The following CNGA1 variants were observed in gnomAD, a reference collection of about 807,000 sequenced individuals.
The protein encoded by CNGA1 is cyclic nucleotide-gated channel alpha-1.
CNGA1 carries 53 observed loss-of-function variants against 69.7 expected under a neutral mutation model. The ratio of observed to expected loss-of-function variants is 0.76; its 90% CI spans 0.61 to 0.96. The LOEUF is 0.96. CNGA1 is among the 40% of genes least tolerant of loss of function. The pLI is 0.00. For synonymous variants in CNGA1, 249 were observed against 283.5 expected (o/e 0.88, Z 1.22); for missense variants, 739 against 811.2 (o/e 0.91, Z 1.08).
chr4:47,957,100 A>AT (rs1346323461), intron 3 of CNGA1, among the ~76,000 whole-genome samples: 1 of 151,492 alleles, frequency 6.6e-6, no homozygotes, highest in Non-Finnish European at 1.5e-5. Context: ...TGCCTGGCTA[A>AT]TTTTTTTGTA....
chr4:48,015,459 T>C (rs1201116094), intron 1 of CNGA1, among the ~76,000 whole-genome samples: 1 of 152,114 alleles, frequency 6.6e-6, no homozygotes, highest in Non-Finnish European at 1.5e-5. Flanking sequence ...GGTAATAAAA[T>C]TAATAGCACT....
Position 47,940,778 on chromosome 4 carries a change from C to A in CNGA1, c.637G>T (p.Val213Leu), listed in dbSNP as rs765505542. Residue 213 changes from valine to leucine, a missense_variant, in exon 10 of 11, where the codon GTA becomes TTA. Physicochemically the swap from Val to Leu is conservative, Grantham distance 32. Transcript: ENST00000514170. ...ACATATTTACCTGTCCTTGTTCGTA[C>A]AAACATATCGATTAAATAGACTATG... ...SDIVYLIDMF[V>L]RTRTGYLEQG... 3.1e-6 allele frequency: 5 copies of A among 1,600,940 alleles called. No homozygotes were observed. The African/African-American group carries it at 6.7e-5, about 21-fold the overall frequency.
chr4:47,953,560 T>C (rs1379815793), intron 3 of CNGA1, among the ~76,000 whole-genome samples: 2 of 152,230 alleles, frequency 1.3e-5, no homozygotes. Flanking sequence ...GATGCATATA[T>C]ACCCAAGCAA....
At chr4:47,988,767 T>C (rs1230242854) in intron 2 of CNGA1, among the ~76,000 whole-genome samples, 1 of 152,166 alleles carries the variant, frequency 6.6e-6, no homozygotes, top group Admixed American at 6.6e-5. Flanking sequence ...TATTCATTCA[T>C]TCAGTGTACA....
chr4:47,968,527 A>G (rs914141785), intron 3 of CNGA1, among the ~76,000 whole-genome samples: 2 of 152,174 alleles, frequency 1.3e-5, no homozygotes, highest in African/African-American at 4.8e-5. Context: ...CATTAGCTAC[A>G]AAAGTGTTAG....
chr4:47,997,553 A>C (rs555376131), intron 2 of CNGA1, among the ~76,000 whole-genome samples: 1 of 152,286 alleles, frequency 6.6e-6, no homozygotes, highest in African/African-American at 2.4e-5. Context: ...CATATTAGTA[A>C]TAAAATAGAG....
chr4:47,946,624 A>C (rs1365573702), intron 6 of CNGA1, among the ~76,000 whole-genome samples: 1 of 152,234 alleles, frequency 6.6e-6, no homozygotes, highest in African/African-American at 2.4e-5. Flanking sequence ...ACATAAAAAG[A>C]ATGCCCATTA....
chr4:47,998,697 G>A (rs1714512793), intron 2 of CNGA1, among the ~76,000 whole-genome samples: 1 of 152,168 alleles, frequency 6.6e-6, no homozygotes, highest in Admixed American at 6.5e-5. Flanking sequence ...AGAATCGCTT[G>A]AACCTCAGAG....
chr4:47,936,006 C>A lies in CNGA1; in HGVS notation c.*415G>T. The A allele has an allele frequency of 5.2e-6, 1 of 191,244 alleles. No homozygotes were observed. The highest frequency in any genetic ancestry group is 1.1e-5 in the Non-Finnish European group (1 of 91,982). 11.8% of individuals were successfully genotyped at this position (191,244 alleles called of 1,614,324 possible). On this transcript the variant is annotated 3_prime_UTR_variant, in exon 11 of 11. Transcript: ENST00000514170. ...ATAATTAATTTTACTTTATTGCAGT[C>A]TAATTTTTAAAAATGTTATCCCAAA...
intron 3 of CNGA1, among the ~76,000 whole-genome samples, chr4:47,960,135 T>C (rs1445905921): frequency 6.6e-6 from 1 of 152,112 alleles, no homozygotes; most frequent in Non-Finnish European, 1.5e-5. Flanking sequence ...TAAAAGAAGA[T>C]ATAAAAATAA....
intron 8 of CNGA1, among the ~76,000 whole-genome samples, chr4:47,942,584 A>G (rs907415982): frequency 2.0e-5 from 3 of 151,934 alleles, no homozygotes; most frequent in African/African-American, 7.3e-5. Flanking sequence ...GGGGTCCCCA[A>G]CCCCCGGGCT....
chr4:47,986,934 A>G (rs1401484367), intron 2 of CNGA1, among the ~76,000 whole-genome samples: 2 of 152,096 alleles, frequency 1.3e-5, no homozygotes, highest in African/African-American at 4.8e-5. Context: ...TACATACTAC[A>G]ATATTTTTCT....
intron 2 of CNGA1, among the ~76,000 whole-genome samples, chr4:48,005,126 T>TTATG (rs61560872): frequency 0.17 from 25,777 of 151,504 alleles, 2,369 homozygotes; most frequent in Middle Eastern, 0.23. Flanking sequence ...ATTTATTTAT[T>TTATG]TATTTATTTG....
intron 3 of CNGA1, among the ~76,000 whole-genome samples, chr4:47,962,707 G>A (rs6827587): frequency 0.15 from 23,327 of 151,940 alleles, 2,255 homozygotes; most frequent in East Asian, 0.27. Flanking sequence ...TTAACTTCTC[G>A]TTACACTGAT....
intron 9 of CNGA1, among the ~76,000 whole-genome samples, chr4:47,941,522 T>C (rs942586761): frequency 2.0e-5 from 3 of 152,172 alleles, no homozygotes; most frequent in Admixed American, 6.5e-5. Context: ...TTTTTTCTCA[T>C]AGGTCAAAGA....
intron 9 of CNGA1, among the ~76,000 whole-genome samples, chr4:47,941,812 C>T (rs1200980709): frequency 6.6e-6 from 1 of 152,050 alleles, no homozygotes; most frequent in African/African-American, 2.4e-5. Context: ...AAGTCTTCCC[C>T]GACCCCTCCA....
At chr4:47,985,746 G>C (rs774418422) in intron 2 of CNGA1, among the ~76,000 whole-genome samples, 1 of 149,524 alleles carries the variant, frequency 6.7e-6, no homozygotes, top group African/African-American at 2.5e-5. Flanking sequence ...CACTTCCTTC[G>C]TCTATCTTCC....
chr4:48,002,295 C>T (rs1296605741), intron 2 of CNGA1, among the ~76,000 whole-genome samples: 1 of 152,140 alleles, frequency 6.6e-6, no homozygotes, highest in African/African-American at 2.4e-5. Flanking sequence ...CCTAACTAGA[C>T]TGATTGAGAA....
At chr4:47,998,578 C>G (rs1421549335) in intron 2 of CNGA1, among the ~76,000 whole-genome samples, 1 of 151,980 alleles carries the variant, frequency 6.6e-6, no homozygotes, top group African/African-American at 2.4e-5. Flanking sequence ...AGTTCGAGAC[C>G]AGCCTGACCA....
Sources: gnomAD v4.1 joint callset for allele counts (sites outside exome capture counted in the v4.1 genomes callset) on GRCh38, gnomAD v4.1.1 for gene constraint, MANE v1.5 for transcripts, NCBI Gene and HGNC (gene_info 2026-07-23, HGNC 2026-07-21) for gene names.